The following RASGRF2 variants were observed in gnomAD, a reference collection of about 807,000 sequenced individuals.
RASGRF2 encodes ras-specific guanine nucleotide-releasing factor 2.
RASGRF2 carries 76 observed loss-of-function variants against 151.0 expected under a neutral mutation model. The observed-to-expected ratio is 0.50, with a 90% CI of 0.42 to 0.61. RASGRF2 has a LOEUF of 0.61. Ranked by LOEUF, RASGRF2 falls within the 20% of genes least tolerant of loss-of-function variation. RASGRF2 has a pLI of 0.00. For missense variants in RASGRF2, 1,148 were observed against 1,564.6 expected (o/e 0.73, Z 4.49); for synonymous variants, 504 against 566.5 (o/e 0.89, Z 1.57).
At position 81,111,818 on chromosome 5, in the gene RASGRF2, A is replaced by G. The variant is rs576920346; in HGVS notation, c.1839-792A>G. Among the ~76,000 whole-genome samples, 249 of 152,326 alleles carry G rather than the reference A, an allele frequency of 1.6e-3. 1 individual carries two copies. Among genetic ancestry groups the G allele is most frequent in the African/African-American group, 5.5e-3 (228 of 41,574 alleles). On this transcript the variant is annotated intron_variant, in intron 13 of 26. Coordinates refer to ENST00000265080, the MANE Select transcript of RASGRF2 (RefSeq NM_006909.3). ...TCCATCAGTTTAATCCGAAAAAAAT[A>G]AAAGGGGAGGGGTGAGGAAAGCACA...
Position 81,080,608 on chromosome 5 carries a change from A to AT in RASGRF2, c.981dup (p.Ile328TyrfsTer15), listed in dbSNP as rs753388003. ...TGTTTCTTTGCAGCTGATCTGTTTG[A>AT]TATTTTGCTCCCCATGCTGAACATT... On this transcript the variant is annotated frameshift_variant, in exon 7 of 27. Coordinates refer to ENST00000265080, the MANE Select transcript of RASGRF2 (RefSeq NM_006909.3). LOFTEE classifies it high-confidence loss of function. 6.2e-7 allele frequency: 1 copy of AT among 1,613,706 alleles called. No homozygotes were observed. The highest frequency in any genetic ancestry group is 8.5e-7 in the Non-Finnish European group (1 of 1,179,702).
chr5:81,158,628 A>C (rs1024260031), intron 17 of RASGRF2, among the ~76,000 whole-genome samples: 2 of 152,204 alleles, frequency 1.3e-5, no homozygotes, highest in African/African-American at 2.4e-5. Context: ...ACCTGAGAAA[A>C]AAGAAAAAAT....
intron 2 of RASGRF2, among the ~76,000 whole-genome samples, chr5:81,052,697 A>G (rs1751051265): frequency 6.6e-6 from 1 of 152,204 alleles, no homozygotes; most frequent in South Asian, 2.1e-4. Flanking sequence ...CAGAAACAGT[A>G]TGTGACAGTA....
Position 81,031,237 on chromosome 5 carries a change from T to C in RASGRF2, c.289-11640T>C, listed in dbSNP as rs188809927. 3.3e-5 allele frequency among the ~76,000 whole-genome samples: 5 copies of C among 152,098 alleles called. No individual in the cohort carries two copies. In the East Asian group the frequency reaches 9.7e-4, roughly 29 times the overall value. On this transcript the variant is annotated intron_variant, in intron 1 of 26. Transcript: ENST00000265080. The stretch of plus-strand genomic sequence containing the variant: ...CACCCCAATGTCAACATTAAACAGA[T>C]CAACGAGACAGAAAGTTAACAAGGA...
intron 7 of RASGRF2, 37 bp from the exon 8 acceptor site, chr5:81,085,765 T>C: frequency 6.2e-7 from 1 of 1,613,252 alleles, no homozygotes; most frequent in Non-Finnish European, 8.5e-7. Context: ...TCACCCATCC[T>C]GATGTCTTGC....
chr5:81,006,057 G>A (rs1388815707), intron 1 of RASGRF2, among the ~76,000 whole-genome samples: 1 of 152,066 alleles, frequency 6.6e-6, no homozygotes, highest in Non-Finnish European at 1.5e-5. Context: ...AAGATATGAA[G>A]GGAAATATTT....
intron 15 of RASGRF2, among the ~76,000 whole-genome samples, chr5:81,121,741 T>A (rs1349284216): frequency 6.6e-6 from 1 of 152,140 alleles, no homozygotes; most frequent in African/African-American, 2.4e-5. Context: ...TCAGCCAGAC[T>A]CAGATATCCA....
chr5:81,199,802 A>G (rs1755345351), intron 18 of RASGRF2, among the ~76,000 whole-genome samples: 1 of 150,234 alleles, frequency 6.7e-6, no homozygotes, highest in Admixed American at 6.6e-5. Flanking sequence ...GGAGGCTGAG[A>G]CAGGAGAATC....
Position 81,225,693 on chromosome 5 carries a change from C to T in RASGRF2, c.3637C>T (p.Leu1213Phe). Residue 1213 changes from leucine to phenylalanine, a missense_variant, in exon 27 of 27, where the codon CTT (leucine) becomes TTT (phenylalanine). Leu to Phe is a conservative substitution (Grantham distance 22). Transcript: ENST00000265080. ...TTTTTTTCAGGTCGCACAGTACTTG[C>T]TTGACAAAGACCTTATCATAGATGA... is the stretch of plus-strand genomic sequence containing the variant. Reference protein sequence around the residue: ...DHQPKVAQYLLDKDLIIDEDT... With the variant: ...DHQPKVAQYLFDKDLIIDEDT... The T allele has an allele frequency of 6.2e-7, 1 of 1,612,576 alleles. No individual in the cohort carries two copies. Among genetic ancestry groups the T allele is most frequent in the Non-Finnish European group, 8.5e-7 (1 of 1,179,656 alleles).
At chr5:80,965,319 A>G (rs563071728) in intron 1 of RASGRF2, among the ~76,000 whole-genome samples, 26 of 152,300 alleles carry the variant, frequency 1.7e-4, no homozygotes, top group Non-Finnish European at 3.1e-4. Context: ...TTTACTGAAC[A>G]CAAAGGGAAA....
intron 1 of RASGRF2, among the ~76,000 whole-genome samples, chr5:80,975,686 T>C (rs1452877846): frequency 6.6e-6 from 1 of 152,190 alleles, no homozygotes; most frequent in East Asian, 1.9e-4. Flanking sequence ...TATTTACTAA[T>C]GAGTGGTGAG....
chr5:80,987,812 GTTCC>G (rs1409343427), intron 1 of RASGRF2, among the ~76,000 whole-genome samples: 1 of 152,116 alleles, frequency 6.6e-6, no homozygotes, highest in Non-Finnish European at 1.5e-5. Context: ...CATCTCTCCT[GTTCC>G]TTTTTGCCTC....
At chr5:81,002,089 A>G (rs1017479689) in intron 1 of RASGRF2, among the ~76,000 whole-genome samples, 16 of 152,192 alleles carry the variant, frequency 1.1e-4, no homozygotes, top group Non-Finnish European at 2.4e-4. Context: ...GAAATACTGT[A>G]TATATTCAGT....
At chr5:81,207,066 G>C (rs779358535) in intron 20 of RASGRF2, among the ~76,000 whole-genome samples, 161 bp downstream of exon 20, 14 of 152,242 alleles carry the variant, frequency 9.2e-5, no homozygotes, top group Non-Finnish European at 1.5e-4. Context: ...GGGTCTAGCA[G>C]TTGGTCTAAG....
chr5:81,049,325 T>C (rs901406341), intron 2 of RASGRF2, among the ~76,000 whole-genome samples: 2 of 152,236 alleles, frequency 1.3e-5, no homozygotes, highest in African/African-American at 4.8e-5. Context: ...TGCATATGGA[T>C]AGATAGGTAG....
At chr5:81,171,926 C>T (rs1754666887) in intron 17 of RASGRF2, among the ~76,000 whole-genome samples, 1 of 152,074 alleles carries the variant, frequency 6.6e-6, no homozygotes, top group South Asian at 2.1e-4. Context: ...CATTTCTATA[C>T]GAGCATAAAA....
chr5:81,044,426 C>A (rs1204834465), intron 2 of RASGRF2, among the ~76,000 whole-genome samples: 10 of 151,824 alleles, frequency 6.6e-5, no homozygotes, highest in African/African-American at 2.2e-4. Flanking sequence ...TAAAAAAAAA[C>A]CACACACACA....
At chr5:81,001,465 T>A (rs1749078686) in intron 1 of RASGRF2, among the ~76,000 whole-genome samples, 1 of 152,098 alleles carries the variant, frequency 6.6e-6, no homozygotes, top group African/African-American at 2.4e-5. Context: ...CCTTTTTACA[T>A]GTAAGTATGT....
intron 4 of RASGRF2, among the ~76,000 whole-genome samples, chr5:81,072,719 A>G (rs1033025958): frequency 6.6e-6 from 1 of 152,194 alleles, no homozygotes; most frequent in African/African-American, 2.4e-5. Context: ...AACAAAAAAA[A>G]CAGAGAAACA....
Sources: gnomAD v4.1 joint callset for allele counts (sites outside exome capture counted in the v4.1 genomes callset) on GRCh38, gnomAD v4.1.1 for gene constraint, MANE v1.5 for transcripts, NCBI Gene and HGNC (gene_info 2026-07-23, HGNC 2026-07-21) for gene names.